The following SOX30 variants were observed in gnomAD, a reference collection of about 807,000 sequenced individuals.
The protein encoded by SOX30 is SRY-box transcription factor 30, also known as transcription factor SOX-30.
In SOX30, 17 loss-of-function variants were observed where a neutral mutation model predicts 58.6. The observed-to-expected ratio is 0.29, with a 90% CI of 0.20 to 0.44. The LOEUF (loss-of-function observed/expected upper bound fraction) is 0.44, where lower values mean the gene tolerates loss of function less well. Ranked by LOEUF, SOX30 falls within the 20% of genes least tolerant of loss-of-function variation. The probability of loss-of-function intolerance (pLI) is 1.00; values close to 1 mark genes in which losing one functional copy is unlikely to be tolerated. For missense variants in SOX30, 951 were observed against 965.8 expected (o/e 0.98, Z 0.20); for synonymous variants, 421 against 400.2 (o/e 1.05, Z -0.62).
intron 1 of SOX30, among the ~76,000 whole-genome samples, chr5:157,649,884 G>GA (rs1348880666): frequency 2.0e-5 from 3 of 151,488 alleles, no homozygotes; most frequent in Admixed American, 6.6e-5. Context: ...CAATATTTCA[G>GA]AAAAAAAATG....
At chr5:157,638,748 C>G (rs1419981629) in intron 3 of SOX30, 26 bp from the exon 4 acceptor site, 9 of 1,558,660 alleles carry the variant, frequency 5.8e-6, no homozygotes, top group African/African-American at 1.4e-5. Context: ...TAGCATAAAT[C>G]AAGAATTAAC....
intron 4 of SOX30, among the ~76,000 whole-genome samples, chr5:157,632,021 TG>T (rs551118884): frequency 6.0e-4 from 68 of 113,750 alleles, no homozygotes; most frequent in African/African-American, 2.5e-3. Flanking sequence ...CCAGCCTGGG[TG>T]ACACAGCAAG....
intron 2 of SOX30, among the ~76,000 whole-genome samples, chr5:157,662,706 G>C (rs1002478548): frequency 2.0e-4 from 31 of 152,216 alleles, no homozygotes; most frequent in African/African-American, 7.2e-4. Context: ...GTAGGGGTTG[G>C]ACATGCCTCA....
chr5:157,667,755 TACATACATACACACACAC>T, intron 2 of SOX30: 1 of 1,424,008 alleles, frequency 7.0e-7, no homozygotes, highest in Non-Finnish European at 9.1e-7. Flanking sequence ...CATACATACA[TACATACATACACACACAC>T]ACACACACAC....
rs375171837 is a variant in SOX30 at position 157,645,717 on chromosome 5, G to A, written c.1387+920C>T. Among the ~76,000 whole-genome samples, 69 of 151,186 alleles carry A rather than the reference G, an allele frequency of 4.6e-4. 2 individuals carry two copies. In the East Asian group the frequency reaches 0.012, roughly 26 times the overall value. On this transcript the variant is annotated intron_variant, in intron 3 of 4. Transcript: ENST00000265007. The stretch of plus-strand genomic sequence containing the variant: ...TGAATGTATAAAGCTCTCCCTTAAA[G>A]ATGGTTAAAACATGTTCTGGGGGCC...
At chr5:157,662,320 C>G (rs1352469304) in intron 2 of SOX30, among the ~76,000 whole-genome samples, 1 of 152,008 alleles carries the variant, frequency 6.6e-6, no homozygotes, top group Non-Finnish European at 1.5e-5. Context: ...CTAATTTTCT[C>G]TATTGTTTTG....
upstream of SOX30, among the ~76,000 whole-genome samples, chr5:157,655,260 A>G (rs1759450049): frequency 6.6e-6 from 1 of 152,134 alleles, no homozygotes; most frequent in Admixed American, 6.5e-5. Flanking sequence ...GGTGAACCCT[A>G]AAGGGACGAT....
intron 3 of SOX30, 120 bp from the exon 4 acceptor site, chr5:157,638,842 G>GCAT (rs1758995336): frequency 1.1e-6 from 1 of 903,672 alleles, no homozygotes. Flanking sequence ...TTACCTAACT[G>GCAT]CATCATCATA....
chr5:157,652,968 C>A (rs1469710582), upstream of SOX30, among the ~76,000 whole-genome samples: 1 of 152,168 alleles, frequency 6.6e-6, no homozygotes, highest in Non-Finnish European at 1.5e-5. Flanking sequence ...GTCTAAAATT[C>A]TTAGCAAAGC....
chr5:157,632,148 T>C (rs1205518935), intron 4 of SOX30, among the ~76,000 whole-genome samples: 3 of 150,498 alleles, frequency 2.0e-5, no homozygotes, highest in East Asian at 3.9e-4. Flanking sequence ...GAGTACCCAA[T>C]GTTCTGTGCC....
In SOX30 at chr5:157,652,057, G is replaced by A. The variant is rs1759367276; in HGVS notation, c.22C>T (p.Pro8Ser). Reference protein sequence around the residue: MERARPEPPPQPRPLRPA... With the variant: MERARPESPPQPRPLRPA... ...CGCAACGGGCGCGGCTGAGGCGGCGGCTCGGGTCTGGCTCTCTCCATGGGG... is the reference window on the plus strand; with the variant it reads ...CGCAACGGGCGCGGCTGAGGCGGCGACTCGGGTCTGGCTCTCTCCATGGGG... Residue 8 changes from proline (P) to serine (S), a missense_variant, in exon 1 of 5, where the codon CCG becomes TCG. Pro to Ser is a moderately conservative substitution (Grantham distance 74). Around this residue, in one of 7 missense-constraint regions of SOX30, gnomAD observed 363 missense variants for 294.5 expected, o/e 1.23. Transcript: ENST00000265007. The A allele has an allele frequency of 7.0e-7, 1 of 1,421,902 alleles. No homozygotes were observed. Among genetic ancestry groups the A allele is most frequent in the Middle Eastern group, 2.2e-4 (1 of 4,648 alleles). 88.1% of individuals were successfully genotyped at this position (1,421,902 alleles called of 1,614,324 possible). A position where few individuals can be genotyped will look rare whatever the true frequency, so the allele number is the denominator to read the frequency against.
Position 157,667,767 on chromosome 5 carries a change from C to CAT in SOX30, c.52+30_52+31insAT, listed in dbSNP as rs768215844. The CAT allele has an allele frequency of 9.4e-4, 408 of 435,932 alleles. No individual in the cohort carries two copies. In the African/African-American group the frequency reaches 0.016, roughly 17 times the overall value. The allele number at this position is 435,932 out of a possible 1,614,324, so 27.0% of individuals were successfully genotyped here. On this transcript the variant is annotated intron_variant, in intron 2 of 5. Coordinates refer to the SOX30 transcript ENST00000519442. ...ATACATACATACATACATACATACACACACACACACACACACACACACATA... is the reference window on the plus strand; with the variant it reads ...ATACATACATACATACATACATACACATACACACACACACACACACACACATA...
At chr5:157,638,160 A>C in intron 4 of SOX30, 70 bp downstream of exon 4, 1 of 1,428,588 alleles carries the variant, frequency 7.0e-7, no homozygotes. Context: ...AAATAAACAA[A>C]AAAATGTTGT....
At chr5:157,639,404 T>C (rs1256924728) in intron 3 of SOX30, among the ~76,000 whole-genome samples, 1 of 151,830 alleles carries the variant, frequency 6.6e-6, no homozygotes, top group Non-Finnish European at 1.5e-5. Context: ...TTTAATTTTT[T>C]TCGTTGAAAA....
chr5:157,665,627 A>T (rs556555415), intron 2 of SOX30, among the ~76,000 whole-genome samples: 1 of 148,034 alleles, frequency 6.8e-6, no homozygotes. Context: ...AAATAAATAT[A>T]TATTTTAAAT....
At position 157,652,373 on chromosome 5, in the gene SOX30, CTCTTG is replaced by C; in HGVS notation, c.-300_-296del. 2 of 1,143,464 alleles carry C rather than the reference CTCTTG, an allele frequency of 1.7e-6. No individual in the cohort carries two copies. Among genetic ancestry groups the C allele is most frequent in the Non-Finnish European group, 2.1e-6 (2 of 932,656 alleles). The allele number at this position is 1,143,464 out of a possible 1,614,324, so 70.8% of individuals were successfully genotyped here. ...CTTGTTGCACATTTTCGTTCTGACTCTCTTGTGGAGTTCTCTTACAGCCGTTGTCT... is the reference window on the plus strand; with the variant it reads ...CTTGTTGCACATTTTCGTTCTGACTCTGGAGTTCTCTTACAGCCGTTGTCT... On this transcript the variant is annotated 5_prime_UTR_variant, in exon 1 of 5. An upstream open reading frame in the 5' UTR loses its in-frame stop. Coordinates refer to ENST00000265007, the MANE Select transcript of SOX30 (RefSeq NM_178424.2).
chr5:157,640,430 C>T lies in SOX30; in HGVS notation c.1388-1708G>A, dbSNP rs76540700. ...CTGAAGAGAATTCCACACTACCATG[C>T]TATAAGCGAGACAGGGTAGTGGGGT... is the stretch of plus-strand genomic sequence containing the variant. On this transcript the variant is annotated intron_variant, in intron 3 of 4. Transcript: ENST00000265007. 7.1e-4 allele frequency among the ~76,000 whole-genome samples: 108 copies of T among 152,282 alleles called. 2 individuals are homozygous for T. The East Asian group carries it at 0.019, about 27-fold the overall frequency.
At chr5:157,663,201 C>T (rs1181560200) in intron 2 of SOX30, among the ~76,000 whole-genome samples, 1 of 152,146 alleles carries the variant, frequency 6.6e-6, no homozygotes, top group Non-Finnish European at 1.5e-5. Context: ...CAAAAATCCT[C>T]AATAAAATAC....
At chr5:157,665,380 T>C (rs548605002) in intron 2 of SOX30, among the ~76,000 whole-genome samples, 8 of 152,120 alleles carry the variant, frequency 5.3e-5, no homozygotes, top group African/African-American at 1.9e-4. Flanking sequence ...TTTTCACTCA[T>C]AGGTGGGAAT....
Sources: gnomAD v4.1 joint callset for allele counts (sites outside exome capture counted in the v4.1 genomes callset) on GRCh38, gnomAD v4.1.1 for gene constraint, gnomAD v4.1.1 regional missense constraint, MANE v1.5 for transcripts, NCBI Gene and HGNC (gene_info 2026-07-23, HGNC 2026-07-21) for gene names.